Variants in DOCK6 observed in about 807,000 individuals in gnomAD.
The protein encoded by DOCK6 is dedicator of cytokinesis 6, also known as dedicator of cytokinesis protein 6.
DOCK6 carries 167 observed loss-of-function variants against 230.3 expected under a neutral mutation model. The ratio of observed to expected loss-of-function variants is 0.73; its 90% CI spans 0.64 to 0.82. DOCK6 has a LOEUF of 0.82. Ranked by LOEUF, DOCK6 falls within the 40% of genes least tolerant of loss-of-function variation. DOCK6 has a pLI of 0.00. For missense variants in DOCK6, 2,598 were observed against 2,825.8 expected, an observed-to-expected ratio of 0.92 and a Z score of 1.83; for synonymous variants, 1,148 against 1,185.0, an observed-to-expected ratio of 0.97 and a Z score of 0.64.
chr19:11,208,250 G>C (rs527638174), intron 39 of DOCK6: 1 of 156,866 alleles, frequency 6.4e-6, no homozygotes, highest in East Asian at 1.9e-4. Context: ...GCAAATAACA[G>C]GGCCTCTGAG....
chr19:11,254,464 C>T (rs2080168462), intron 1 of DOCK6, among the ~76,000 whole-genome samples: 1 of 152,120 alleles, frequency 6.6e-6, no homozygotes, highest in African/African-American at 2.4e-5. Flanking sequence ...GAGGCTGAGG[C>T]AGGCGGATCA....
chr19:11,236,227 T>A lies in DOCK6; in HGVS notation c.2392+119A>T. ...TCTGGGTGCAGGGGACTGGAGGTCA[T>A]TTTTCAGATGAGAAAAATGGCCAGA... On this transcript the variant is annotated intron_variant, in intron 20 of 47. Coordinates refer to ENST00000294618, the MANE Select transcript of DOCK6 (RefSeq NM_020812.4). This position sits in a 1 kb window ranked among gnomAD's most constrained non-coding sequence, Gnocchi z 5.2. The A allele has an allele frequency of 9.7e-7, 1 of 1,031,608 alleles. No homozygotes were observed. Among genetic ancestry groups the A allele is most frequent in the Non-Finnish European group, 1.4e-6 (1 of 720,348 alleles). The allele number at this position is 1,031,608 out of a possible 1,614,324, so 63.9% of individuals were successfully genotyped here.
intron 2 of DOCK6, among the ~76,000 whole-genome samples, chr19:11,253,347 C>G (rs1478722725): frequency 2.0e-5 from 3 of 152,186 alleles, no homozygotes; most frequent in African/African-American, 7.2e-5. Context: ...TCTCCCTCCT[C>G]CATCCCCATC....
At chr19:11,204,542 TC>T (rs2079226277) in intron 39 of DOCK6, among the ~76,000 whole-genome samples, 1 of 151,926 alleles carries the variant, frequency 6.6e-6, no homozygotes, top group African/African-American at 2.4e-5. Context: ...CTGCTACTTA[TC>T]TTTTTTGTTT....
intron 37 of DOCK6, among the ~76,000 whole-genome samples, chr19:11,210,797 CCACCTCCT>C: frequency 6.6e-6 from 1 of 151,372 alleles, no homozygotes; most frequent in Admixed American, 6.6e-5. Flanking sequence ...CCTTATCTGT[CCACCTCCT>C]CACCTGTTCA....
rs73506636 is a variant in DOCK6 at position 11,221,361 on chromosome 19, A to T, written c.3550+490T>A. 4.4e-3 allele frequency: 714 copies of T among 162,532 alleles called. 6 individuals are homozygous for T. The highest frequency in any genetic ancestry group is 0.016 in the African/African-American group (666 of 41,686). 10.1% of individuals were successfully genotyped at this position (162,532 alleles called of 1,614,324 possible). A position where few individuals can be genotyped will look rare whatever the true frequency, so the allele number is the denominator to read the frequency against. ...TGAGGCAGAAAAAAATTCAAGTGAG[A>T]ATGGCTAAGAATTTCCCCAAACTGA... On this transcript the variant is annotated intron_variant, in intron 28 of 47. Transcript: ENST00000294618.
chr19:11,256,610 G>T (rs1456646434), intron 1 of DOCK6, among the ~76,000 whole-genome samples: 1 of 152,204 alleles, frequency 6.6e-6, no homozygotes, highest in Non-Finnish European at 1.5e-5. Flanking sequence ...CCACCATGTT[G>T]TCTTCAAAGA....
In DOCK6 at chr19:11,216,900, C is replaced by T; in HGVS notation, c.3894+14G>A. 6.2e-7 allele frequency: 1 copy of T among 1,613,294 alleles called. No homozygotes were observed. The highest frequency in any genetic ancestry group is 8.5e-7 in the Non-Finnish European group (1 of 1,179,510). On this transcript the variant is annotated intron_variant, in intron 30 of 47. Transcript: ENST00000294618. The stretch of plus-strand genomic sequence containing the variant: ...GCCTGCCTCCTCCATCATCTCCTGC[C>T]CACGCCCTCAAACCTTGTACTCAAA...
chr19:11,225,651 C>A (rs1341326552), intron 24 of DOCK6, among the ~76,000 whole-genome samples: 1 of 151,908 alleles, frequency 6.6e-6, no homozygotes, highest in African/African-American at 2.4e-5. Context: ...ATGATCACAC[C>A]ACCACACTCT....
chr19:11,214,358 C>T lies in DOCK6; in HGVS notation c.4255G>A (p.Val1419Ile). 6.2e-7 allele frequency: 1 copy of T among 1,613,696 alleles called. No individual in the cohort carries two copies. The highest frequency in any genetic ancestry group is 8.5e-7 in the Non-Finnish European group (1 of 1,179,862). ...RESVLGAVLK[V>I]VLYSLGSAQS... ...GCACTGCCCAGGCTGTACAGCACAA[C>T]CTTCAGCACTGCCCCCAAGACGCTC... is the stretch of plus-strand genomic sequence containing the variant. Residue 1419 changes from valine (V) to isoleucine (I), a missense_variant, in exon 34 of 48, where the codon GTT becomes ATT. By Grantham distance (29) the Val-to-Ile change is conservative. Transcript: ENST00000294618.
chr19:11,241,683 C>A (rs777473393), intron 14 of DOCK6: 6 of 1,582,710 alleles, frequency 3.8e-6, no homozygotes, highest in Non-Finnish European at 5.1e-6. Flanking sequence ...GCGCTCCCAG[C>A]CTGAATCTGC....
intron 28 of DOCK6, chr19:11,221,178 C>T (rs1375259886): frequency 6.6e-6 from 1 of 152,494 alleles, no homozygotes; most frequent in East Asian, 1.9e-4. Flanking sequence ...CTGGGCACAA[C>T]AGAAGACATA....
chr19:11,252,188 C>T lies in DOCK6; in HGVS notation c.438G>A (p.Gln146=). The stretch of plus-strand genomic sequence containing the variant: ...CAAAGACCTGGCGGGGGAGGCCCTT[C>T]TGTCGCTCCCGCTGTGTGTCTGTGG... The part of the protein sequence containing the change: ...PVTTDTQRER[Q]KGLPRQVFEQ... Residue 146 remains glutamine (Q), a synonymous_variant, in exon 5 of 48, where the codon CAG becomes CAA. Transcript: ENST00000294618. The T allele has an allele frequency of 1.9e-6, 3 of 1,582,230 alleles. No individual in the cohort carries two copies. The highest frequency in any genetic ancestry group is 2.6e-6 in the Non-Finnish European group (3 of 1,164,238).
rs763804286 is a variant in DOCK6 at position 11,200,786 on chromosome 19, T to C, written c.5869A>G (p.Ile1957Val). 6.2e-7 allele frequency: 1 copy of C among 1,613,288 alleles called. No homozygotes were observed. Among genetic ancestry groups the C allele is most frequent in the East Asian group, 2.2e-5 (1 of 44,834 alleles). ...LEVAQVFLAE[I>V]PEDPKLFRHH... ...CGGAAGAGCTTGGGGTCTTCCGGGA[T>C]CTCTGCTAAAAACACCTGGGCCACC... The change falls in exon 46 of 48, where the codon ATC becomes GTC. Residue 1957 changes from isoleucine to valine, a missense_variant. Physicochemically the swap from Ile to Val is conservative, Grantham distance 29. Coordinates refer to ENST00000294618, the MANE Select transcript of DOCK6 (RefSeq NM_020812.4). The surrounding 1 kb of genome is among the most constrained non-coding windows in gnomAD (Gnocchi z 4.3).
rs1289251382 is a variant in DOCK6, at chr19:11,245,450, C to G, written c.1023+113G>C. The G allele has an allele frequency of 2.4e-5, 29 of 1,194,612 alleles. No homozygotes were observed. The East Asian group carries it at 6.6e-4, about 27-fold the overall frequency. The allele number at this position is 1,194,612 out of a possible 1,614,324, so 74.0% of individuals were successfully genotyped here. ...GCCTCCTCCCTGCCTGTGTTTCCCC[C>G]ACAACAGCCCTGATTACCCTTCTTG... On this transcript the variant is annotated intron_variant, in intron 9 of 47. Coordinates refer to ENST00000294618, the MANE Select transcript of DOCK6 (RefSeq NM_020812.4).
chr19:11,259,498 AT>A (rs1427824001), intron 1 of DOCK6, among the ~76,000 whole-genome samples: 1 of 149,350 alleles, frequency 6.7e-6, no homozygotes, highest in African/African-American at 2.5e-5. Context: ...GGATTTTGAA[AT>A]TTGTCAATAA....
chr19:11,245,933 AC>A, intron 7 of DOCK6, 55 bp from the exon 8 acceptor site: 1 of 1,545,678 alleles, frequency 6.5e-7, no homozygotes. Flanking sequence ...CTGTCCACAC[AC>A]CCCACTCCCT....
At position 11,242,084 on chromosome 19, in the gene DOCK6, A is replaced by T; in HGVS notation, c.1604T>A (p.Phe535Tyr). 6.5e-7 allele frequency: 1 copy of T among 1,545,636 alleles called. No homozygotes were observed. Reference sequence around the variant, plus strand: ...GGGGGCATAGACTTCGCGGGCGGGGAACTCCAGAATCTCCTTGGTGGGCCG... The same window carrying T: ...GGGGGCATAGACTTCGCGGGCGGGGTACTCCAGAATCTCCTTGGTGGGCCG... ...RGRPTKEILE[F>Y]PAREVYAPHT... Residue 535 changes from phenylalanine (F) to tyrosine (Y), a missense_variant, in exon 14 of 48, where the codon TTC becomes TAC. Coordinates refer to ENST00000294618, the MANE Select transcript of DOCK6 (RefSeq NM_020812.4).
In DOCK6 at chr19:11,233,339, G is replaced by T. The variant is rs1429859717; in HGVS notation, c.2582C>A (p.Ala861Asp). ...DGAPPVTVQA[A>D]TLARGSGRPA... Reference sequence around the variant, plus strand: ...GCGACCAGAGCCACGGGCCAGTGTGGCAGCCTGCACTGTCACTGGAGGGGC... The same window carrying T: ...GCGACCAGAGCCACGGGCCAGTGTGTCAGCCTGCACTGTCACTGGAGGGGC... The change falls in exon 22 of 48, where the codon GCC becomes GAC. Residue 861 changes from alanine to aspartate, a missense_variant. Transcript: ENST00000294618. 1 of 1,613,812 alleles carries T rather than the reference G, an allele frequency of 6.2e-7. No individual in the cohort carries two copies. Among genetic ancestry groups the T allele is most frequent in the Non-Finnish European group, 8.5e-7 (1 of 1,179,820 alleles).
Sources: gnomAD v4.1 joint callset for allele counts (sites outside exome capture counted in the v4.1 genomes callset) on GRCh38, gnomAD v4.1.1 for gene constraint, Gnocchi (gnomAD v3.1) non-coding constraint, MANE v1.5 for transcripts, NCBI Gene and HGNC (gene_info 2026-07-23, HGNC 2026-07-21) for gene names.